PRKCA: variants seen among roughly 807,000 people sequenced by gnomAD.
PRKCA encodes protein kinase C alpha type.
A neutral mutation model predicts 87.0 loss-of-function variants in PRKCA; 27 were observed. The observed-to-expected ratio is 0.31, with a 90% CI of 0.23 to 0.43. PRKCA has a LOEUF of 0.43. PRKCA is among the 20% of genes least tolerant of loss of function. The probability of loss-of-function intolerance (pLI) is 1.00; values close to 1 mark genes in which losing one functional copy is unlikely to be tolerated. For synonymous variants in PRKCA, 329 were observed against 311.1 expected (o/e 1.06, Z -0.61); for missense variants, 518 against 852.3 (o/e 0.61, Z 4.88).
intron 3 of PRKCA, among the ~76,000 whole-genome samples, chr17:66,578,909 G>T (rs35212712): frequency 0.22 from 33,476 of 152,186 alleles, 3,840 homozygotes; most frequent in South Asian, 0.33. Flanking sequence ...TCCCCGCGCA[G>T]CTCGCCAGGC....
chr17:66,494,838 A>T (rs1042002486), intron 2 of PRKCA, among the ~76,000 whole-genome samples: 1 of 152,134 alleles, frequency 6.6e-6, no homozygotes, highest in African/African-American at 2.4e-5. Context: ...GCAGTAGCTC[A>T]ACGCCTACAA....
At chr17:66,356,313 T>G (rs544435459) in intron 2 of PRKCA, among the ~76,000 whole-genome samples, 6,752 of 152,240 alleles carry the variant, frequency 0.044, 215 homozygotes, top group Admixed American at 0.077. Context: ...ATCCACTTTT[T>G]TAAAAGACAC....
chr17:66,467,807 C>G (rs547929949), intron 2 of PRKCA, among the ~76,000 whole-genome samples: 1 of 152,078 alleles, frequency 6.6e-6, no homozygotes, highest in Non-Finnish European at 1.5e-5. Context: ...ATCCCCACGC[C>G]TTGGCCTTCC....
intron 14 of PRKCA, among the ~76,000 whole-genome samples, chr17:66,782,806 G>A (rs2144364411): frequency 6.6e-6 from 1 of 152,314 alleles, no homozygotes; most frequent in South Asian, 2.1e-4. Flanking sequence ...AGTGTTGGAT[G>A]TCACCCTTCA....
At chr17:66,406,105 T>C (rs1911355809) in intron 2 of PRKCA, among the ~76,000 whole-genome samples, 1 of 152,176 alleles carries the variant, frequency 6.6e-6, no homozygotes. Context: ...CCCATTAGAA[T>C]GATTGCCAGT....
chr17:66,585,087 G>T (rs1969552931), intron 3 of PRKCA, among the ~76,000 whole-genome samples: 1 of 151,802 alleles, frequency 6.6e-6, no homozygotes, highest in Non-Finnish European at 1.5e-5. Context: ...GTGGTTAATA[G>T]ATGAGCGTGG....
chr17:66,440,498 C>T (rs1159346211), intron 2 of PRKCA, among the ~76,000 whole-genome samples: 4 of 152,186 alleles, frequency 2.6e-5, no homozygotes, highest in Non-Finnish European at 5.9e-5. Context: ...CCTGCCCCTT[C>T]AGAGCTTAGA....
chr17:66,770,818 TC>T (rs1337659123), intron 13 of PRKCA, among the ~76,000 whole-genome samples: 1 of 151,914 alleles, frequency 6.6e-6, no homozygotes, highest in Non-Finnish European at 1.5e-5. Flanking sequence ...TAGACCTAGG[TC>T]TCTTGGTGAA....
chr17:66,323,569 C>G lies in PRKCA; in HGVS notation c.205+17442C>G, dbSNP rs1275838687. ...TGTATTTAATATGTTCATTGGACCTCTATGCAGATTGAGTTTTTATCAACT... is the reference window on the plus strand; with the variant it reads ...TGTATTTAATATGTTCATTGGACCTGTATGCAGATTGAGTTTTTATCAACT... On this transcript the variant is annotated intron_variant, in intron 2 of 16. Transcript: ENST00000413366. Among the ~76,000 whole-genome samples the G allele has an allele frequency of 3.3e-5, 5 of 152,184 alleles. No homozygotes were observed. In the East Asian group the frequency reaches 5.8e-4, roughly 18 times the overall value.
At chr17:66,424,280 A>T (rs1467506780) in intron 2 of PRKCA, among the ~76,000 whole-genome samples, 1 of 152,100 alleles carries the variant, frequency 6.6e-6, no homozygotes, top group Non-Finnish European at 1.5e-5. Context: ...TATTTTAAAA[A>T]ATATTACTTG....
intron 12 of PRKCA, among the ~76,000 whole-genome samples, chr17:66,742,220 A>C (rs1019092684): frequency 1.3e-5 from 2 of 152,246 alleles, no homozygotes; most frequent in East Asian, 1.9e-4. Context: ...TGGAAGGGAC[A>C]TGTGTATGAC....
At chr17:66,568,497 G>A (rs1347652030) in intron 3 of PRKCA, among the ~76,000 whole-genome samples, 1 of 152,064 alleles carries the variant, frequency 6.6e-6, no homozygotes, top group Non-Finnish European at 1.5e-5. Context: ...GCAGGGTACT[G>A]GAGGCCAGGA....
At chr17:66,544,881 C>A (rs1181804726) in intron 3 of PRKCA, among the ~76,000 whole-genome samples, 1 of 152,158 alleles carries the variant, frequency 6.6e-6, no homozygotes, top group Non-Finnish European at 1.5e-5. Context: ...GCATGAGCCA[C>A]CATGTCCGAC....
intron 2 of PRKCA, among the ~76,000 whole-genome samples, chr17:66,330,105 T>C (rs75985548): frequency 3.7e-3 from 2 of 540 alleles, no homozygotes; most frequent in African/African-American, 9.7e-3. Context: ...TTTTCCTGGA[T>C]TTTTTTTTTT....
intron 5 of PRKCA, among the ~76,000 whole-genome samples, chr17:66,668,242 A>G (rs959124934): frequency 5.3e-5 from 8 of 152,322 alleles, no homozygotes; most frequent in South Asian, 2.1e-4. Context: ...CTTTCCATAC[A>G]GTCTACAAAT....
At chr17:66,377,721 ATTT>A (rs1229084236) in intron 2 of PRKCA, among the ~76,000 whole-genome samples, 48 of 69,142 alleles carry the variant, frequency 6.9e-4, no homozygotes, top group South Asian at 4.0e-3. Flanking sequence ...ATATATATAT[ATTT>A]TTTTTTTTTT....
chr17:66,747,421 C>T (rs1184735209), intron 13 of PRKCA, among the ~76,000 whole-genome samples: 1 of 152,202 alleles, frequency 6.6e-6, no homozygotes, highest in Non-Finnish European at 1.5e-5. Context: ...CTCACAGCAT[C>T]GCTATGGCGG....
At chr17:66,541,584 C>T (rs1967989789) in intron 3 of PRKCA, among the ~76,000 whole-genome samples, 1 of 151,974 alleles carries the variant, frequency 6.6e-6, no homozygotes, top group African/African-American at 2.4e-5. Context: ...TGCAGTTCTG[C>T]AGGCAGGAAT....
At chr17:66,550,871 G>A (rs1267871659) in intron 3 of PRKCA, among the ~76,000 whole-genome samples, 2 of 152,084 alleles carry the variant, frequency 1.3e-5, no homozygotes, top group Admixed American at 6.6e-5. Context: ...TGTAAGAGTG[G>A]GGAGCTGTGT....
Sources: gnomAD v4.1 joint callset for allele counts (sites outside exome capture counted in the v4.1 genomes callset) on GRCh38, gnomAD v4.1.1 for gene constraint, MANE v1.5 for transcripts, NCBI Gene and HGNC (gene_info 2026-07-23, HGNC 2026-07-21) for gene names.